The following SYT9 variants were observed in gnomAD, a reference collection of about 807,000 sequenced individuals.
SYT9 encodes synaptotagmin 9.
In SYT9, 22 loss-of-function variants were observed where a neutral mutation model predicts 48.4. The ratio of observed to expected loss-of-function variants is 0.45; its 90% CI spans 0.32 to 0.65. The LOEUF is 0.65. Among genes scored for constraint, SYT9 ranks in the 30% least tolerant of loss-of-function variants. The probability of loss-of-function intolerance (pLI) is 0.03; values close to 1 mark genes in which losing one functional copy is unlikely to be tolerated. For synonymous variants in SYT9, 265 were observed against 245.0 expected (o/e 1.08, Z -0.76); for missense variants, 577 against 622.0 (o/e 0.93, Z 0.77).
chr11:7,367,248 A>ATT (rs71056801), intron 3 of SYT9, among the ~76,000 whole-genome samples: 1 of 131,178 alleles, frequency 7.6e-6, no homozygotes, highest in African/African-American at 2.8e-5. Flanking sequence ...CGCCCGGCTA[A>ATT]TTTTTTTTTT....
intron 3 of SYT9, among the ~76,000 whole-genome samples, chr11:7,352,916 CTTCTAT>C (rs1849945244): frequency 1.3e-5 from 2 of 152,188 alleles, no homozygotes; most frequent in Middle Eastern, 6.8e-3. Flanking sequence ...AATAGTAGGA[CTTCTAT>C]TTATATTTTC....
intron 1 of SYT9, among the ~76,000 whole-genome samples, chr11:7,288,114 A>G (rs1485461535): frequency 1.3e-5 from 2 of 152,108 alleles, no homozygotes; most frequent in African/African-American, 4.8e-5. Context: ...TAGAGGCACA[A>G]TAGTGGGAAA....
intron 1 of SYT9, among the ~76,000 whole-genome samples, chr11:7,258,339 G>A (rs1019632398): frequency 2.4e-4 from 36 of 152,166 alleles, no homozygotes; most frequent in African/African-American, 8.4e-4. Flanking sequence ...ATCACCATTT[G>A]TGGAGAAGTT....
At chr11:7,423,234 G>C (rs891114967) in intron 6 of SYT9, among the ~76,000 whole-genome samples, 2 of 152,176 alleles carry the variant, frequency 1.3e-5, no homozygotes, top group Non-Finnish European at 1.5e-5. Context: ...TGGGACTCCA[G>C]ATCCATCCTG....
intron 3 of SYT9, among the ~76,000 whole-genome samples, chr11:7,343,884 G>A (rs181214503): frequency 1.1e-3 from 175 of 152,302 alleles, no homozygotes; most frequent in African/African-American, 3.8e-3. Context: ...ATGGTGGCAG[G>A]CAAGACAGAA....
intron 1 of SYT9, among the ~76,000 whole-genome samples, chr11:7,297,610 A>G (rs1406403927): frequency 6.6e-6 from 1 of 152,232 alleles, no homozygotes; most frequent in African/African-American, 2.4e-5. Flanking sequence ...CTCAGCTCGC[A>G]TGCTGGGACT....
Position 7,417,988 on chromosome 11 carries a change from T to A in SYT9, c.1197T>A (p.Asp399Glu). ...DPYVKVSLMCDGRRLKKRKTS... is the reference protein window; with the variant it reads ...DPYVKVSLMCEGRRLKKRKTS... ...ATGTGAAAGTCTCGCTGATGTGTGA[T>A]GGCAGACGACTGAAGAAGAGGAAAA... Residue 399 changes from aspartate (D) to glutamate (E), a missense_variant, in exon 5 of 7, where the codon GAT (aspartate) becomes GAA (glutamate). Physicochemically the swap from Asp to Glu is conservative, Grantham distance 45. Coordinates refer to ENST00000318881, the MANE Select transcript of SYT9 (RefSeq NM_175733.4). 6.2e-7 allele frequency: 1 copy of A among 1,614,148 alleles called. No individual in the cohort carries two copies. Among genetic ancestry groups the A allele is most frequent in the Middle Eastern group, 1.6e-4 (1 of 6,062 alleles).
chr11:7,448,793 C>G (rs1847986051), intron 6 of SYT9, among the ~76,000 whole-genome samples: 1 of 152,194 alleles, frequency 6.6e-6, no homozygotes, highest in South Asian at 2.1e-4. Flanking sequence ...GTCTCTACAG[C>G]TTCCCCAGAG....
intron 1 of SYT9, among the ~76,000 whole-genome samples, chr11:7,288,335 T>C (rs1190214532): frequency 6.6e-6 from 1 of 152,126 alleles, no homozygotes; most frequent in Non-Finnish European, 1.5e-5. Flanking sequence ...CTTAGTTGAT[T>C]TTCTTCTCTT....
Position 7,407,360 on chromosome 11 carries a change from A to ATTTTTT in SYT9, c.1045-8656_1045-8651dup, listed in dbSNP as rs756378336. Among the ~76,000 whole-genome samples, 16 of 37,772 alleles carry ATTTTTT rather than the reference A, an allele frequency of 4.2e-4. 2 individuals are homozygous for ATTTTTT. The highest frequency in any genetic ancestry group is 5.4e-4 in the Non-Finnish European group (13 of 23,960). 24.8% of individuals were successfully genotyped at this position (37,772 alleles called of 152,430 possible). On this transcript the variant is annotated intron_variant, in intron 3 of 6. Transcript: ENST00000318881. ...CTCAGGTCTTATGTTTAAGTCTATAATTTTTTTTTTTTTTTTTTTTTTTTT... is the reference window on the plus strand; with the variant it reads ...CTCAGGTCTTATGTTTAAGTCTATAATTTTTTTTTTTTTTTTTTTTTTTTTTTTTTT...
At chr11:7,318,768 CATTG>C (rs1434847028) in intron 3 of SYT9, among the ~76,000 whole-genome samples, 2 of 152,104 alleles carry the variant, frequency 1.3e-5, no homozygotes, top group Non-Finnish European at 2.9e-5. Flanking sequence ...TGGTCAATTA[CATTG>C]ATTGATTTTC....
intron 6 of SYT9, among the ~76,000 whole-genome samples, chr11:7,437,340 A>C (rs1169341086): frequency 6.6e-6 from 1 of 152,246 alleles, no homozygotes; most frequent in Non-Finnish European, 1.5e-5. Context: ...TATACATTTC[A>C]GTCATGACAT....
chr11:7,416,720 C>T (rs10743022), intron 4 of SYT9, among the ~76,000 whole-genome samples: 152,249 of 152,314 alleles, frequency 1, 76,092 homozygotes, highest in Non-Finnish European at 1. Flanking sequence ...TATAAGGGAC[C>T]TGAGCATCCT....
chr11:7,319,192 C>CTTTTTTTTTTTTTTTTTTTTTTTTTTTT (rs71056795), intron 3 of SYT9, among the ~76,000 whole-genome samples: 3 of 86,188 alleles, frequency 3.5e-5, no homozygotes, highest in African/African-American at 4.5e-5. Context: ...TCTTCTTTTT[C>CTTTTTTTTTTTTTTTTTTTTTTTTTTTT]TTTTTTTTTT....
chr11:7,460,616 A>G lies in SYT9; in HGVS notation c.1468-6176A>G, dbSNP rs535235813. ...TAAAAATAAGCTTTATAAATGTAGTATAATAGATTTTCCTAAGCATTTAAA... is the reference window on the plus strand; with the variant it reads ...TAAAAATAAGCTTTATAAATGTAGTGTAATAGATTTTCCTAAGCATTTAAA... On this transcript the variant is annotated intron_variant, in intron 6 of 6. Transcript: ENST00000318881. Among the ~76,000 whole-genome samples the G allele has an allele frequency of 2.0e-5, 3 of 152,306 alleles. No homozygotes were observed. In the East Asian group the frequency reaches 5.8e-4, roughly 29 times the overall value.
intron 3 of SYT9, among the ~76,000 whole-genome samples, chr11:7,323,325 C>A (rs1213048488): frequency 6.6e-6 from 1 of 152,026 alleles, no homozygotes; most frequent in East Asian, 1.9e-4. Context: ...CTTGGACTTG[C>A]TATACACTAT....
chr11:7,304,030 G>A (rs903955542), intron 2 of SYT9, among the ~76,000 whole-genome samples: 8 of 152,200 alleles, frequency 5.3e-5, no homozygotes, highest in African/African-American at 1.9e-4. Flanking sequence ...ATATAATGCA[G>A]TGAAAAAAGA....
At chr11:7,372,286 T>G (rs1280195320) in intron 3 of SYT9, among the ~76,000 whole-genome samples, 1 of 152,242 alleles carries the variant, frequency 6.6e-6, no homozygotes, top group South Asian at 2.1e-4. Context: ...TGTGGGGTTT[T>G]TTTGCTCATT....
intron 3 of SYT9, among the ~76,000 whole-genome samples, chr11:7,315,839 T>C (rs988584546): frequency 2.6e-5 from 4 of 152,128 alleles, no homozygotes; most frequent in Admixed American, 6.5e-5. Context: ...TGGATTTCCA[T>C]AGGGTTAAGG....
Sources: allele counts gnomAD v4.1 joint callset (sites outside exome capture counted in the v4.1 genomes callset), GRCh38; gene constraint gnomAD v4.1.1; transcripts MANE v1.5; gene names NCBI Gene and HGNC (gene_info 2026-07-23, HGNC 2026-07-21).